The following PARN variants were observed in gnomAD, a reference collection of about 807,000 sequenced individuals.
PARN encodes the protein poly(A)-specific ribonuclease PARN.
PARN carries 71 observed loss-of-function variants against 102.8 expected under a neutral mutation model. The observed-to-expected ratio is 0.69, with a 90% CI of 0.57 to 0.84. The LOEUF is 0.84. PARN is among the 40% of genes least tolerant of loss of function. The pLI, the probability that PARN is intolerant of heterozygous loss-of-function variation, is 0.00. For missense variants in PARN, 782 were observed against 760.9 expected (o/e 1.03, Z -0.33); for synonymous variants, 261 against 252.9 (o/e 1.03, Z -0.30).
At chr16:14,521,336 T>C (rs1446598708) in intron 21 of PARN, among the ~76,000 whole-genome samples, 2 of 152,246 alleles carry the variant, frequency 1.3e-5, no homozygotes, top group East Asian at 1.9e-4. Context: ...AAAAGTTCTA[T>C]GGCCTGCAGG....
In PARN at chr16:14,630,166, G is replaced by A. The variant is rs372958720; in HGVS notation, c.-41C>T. ...GAACCTTGGCCCCACCCGGGCCCGC[G>A]CCCGCCTCAGCGGTTCTACTCGCCG... On this transcript the variant is annotated 5_prime_UTR_variant, in exon 1 of 24. Coordinates refer to ENST00000437198, the MANE Select transcript of PARN (RefSeq NM_002582.4). 190 of 1,538,604 alleles carry A rather than the reference G, an allele frequency of 1.2e-4. No individual in the cohort carries two copies. The highest frequency in any genetic ancestry group is 5.5e-4 in the South Asian group (46 of 83,490).
rs367910934 is a variant in PARN at position 14,475,653 on chromosome 16, G to A, written c.1670+6985C>T. Among the ~76,000 whole-genome samples, 9 of 152,304 alleles carry A rather than the reference G, an allele frequency of 5.9e-5. No homozygotes were observed. The East Asian group carries it at 1.3e-3, about 23-fold the overall frequency. On this transcript the variant is annotated intron_variant, in intron 22 of 23. Coordinates refer to ENST00000437198, the MANE Select transcript of PARN (RefSeq NM_002582.4). ...TGCTAATAGCCACGTGTAGAAGCTC[G>A]ACTGCTCTGACCAGCTCTGCCAAGG...
chr16:14,457,947 T>TGAGA lies in PARN; in HGVS notation c.1671-10870_1671-10867dup, dbSNP rs909541843. 2.0e-5 allele frequency among the ~76,000 whole-genome samples: 3 copies of TGAGA among 150,376 alleles called. No individual in the cohort carries two copies. In the South Asian group the frequency reaches 6.3e-4, roughly 32 times the overall value. On this transcript the variant is annotated intron_variant, in intron 22 of 23. Transcript: ENST00000437198. ...GTGTGTGTGGGTGTGTGTGTGTGTG[T>TGAGA]GAGAGAGAGAGACAGAGAAAACATG...
At chr16:14,494,207 C>T (rs958679451) in intron 21 of PARN, among the ~76,000 whole-genome samples, 5 of 152,162 alleles carry the variant, frequency 3.3e-5, no homozygotes, top group South Asian at 2.1e-4. Context: ...CATTAATGAA[C>T]GCCTGTATAT....
intron 15 of PARN, 82 bp downstream of exon 15, chr16:14,584,667 T>C: frequency 1.0e-6 from 1 of 1,003,020 alleles, no homozygotes; most frequent in East Asian, 2.4e-5. Context: ...CTCCAAACCT[T>C]TTGCCAGAAG....
chr16:14,493,401 A>C (rs1011168381), intron 21 of PARN, among the ~76,000 whole-genome samples: 4 of 152,104 alleles, frequency 2.6e-5, no homozygotes, highest in African/African-American at 9.7e-5. Flanking sequence ...TTTTCTGTAA[A>C]GACAAGGTTT....
chr16:14,464,137 C>G (rs1330001432), intron 22 of PARN, among the ~76,000 whole-genome samples: 1 of 152,082 alleles, frequency 6.6e-6, no homozygotes, highest in Admixed American at 6.5e-5. Context: ...GCCACTGCAC[C>G]CAGCCCAACA....
intron 22 of PARN, among the ~76,000 whole-genome samples, chr16:14,463,160 A>G (rs1486470995): frequency 1.3e-5 from 2 of 152,208 alleles, no homozygotes; most frequent in Non-Finnish European, 2.9e-5. Flanking sequence ...ACATCACAGC[A>G]CTGGGGAGAC....
chr16:14,577,597 G>A (rs1008588484), intron 18 of PARN, among the ~76,000 whole-genome samples: 2 of 152,120 alleles, frequency 1.3e-5, no homozygotes, highest in African/African-American at 4.8e-5. Flanking sequence ...CCTTCACAAA[G>A]TGGTGGGATT....
rs1963524988 is a variant in PARN, at chr16:14,484,025, A to T, written c.1481-1198T>A. ...TTCCCCTGGAGTCCCAAAGTCCATT[A>T]CATCATTCTTATGCCTTTGCTTCCT... On this transcript the variant is annotated intron_variant, in intron 21 of 23. Coordinates refer to ENST00000437198, the MANE Select transcript of PARN (RefSeq NM_002582.4). Among the ~76,000 whole-genome samples, 5 of 152,134 alleles carry T rather than the reference A, an allele frequency of 3.3e-5. No homozygotes were observed. In the South Asian group the frequency reaches 1.0e-3, roughly 32 times the overall value.
At chr16:14,540,734 T>C (rs1966808108) in intron 21 of PARN, among the ~76,000 whole-genome samples, 1 of 152,112 alleles carries the variant, frequency 6.6e-6, no homozygotes, top group South Asian at 2.1e-4. Flanking sequence ...GGCAGGTGGC[T>C]TGAGCCCAGG....
intron 22 of PARN, among the ~76,000 whole-genome samples, chr16:14,450,090 G>C (rs767196870): frequency 6.6e-6 from 1 of 152,130 alleles, no homozygotes; most frequent in Non-Finnish European, 1.5e-5. Flanking sequence ...GGTTGAATAC[G>C]CAACAGTACA....
At chr16:14,491,489 C>T (rs1256818839) in intron 21 of PARN, among the ~76,000 whole-genome samples, 1 of 152,138 alleles carries the variant, frequency 6.6e-6, no homozygotes, top group Non-Finnish European at 1.5e-5. Flanking sequence ...TCAGGCCAGG[C>T]ATAGTGGCTC....
At chr16:14,608,113 A>C in intron 9 of PARN, 168 bp downstream of exon 9, 1 of 632,168 alleles carries the variant, frequency 1.6e-6, no homozygotes, top group South Asian at 2.0e-5. Flanking sequence ...AAACAATAAC[A>C]AAAGAAAATT....
rs1328815772 is a variant in PARN, at chr16:14,508,900, T to C, written c.1481-26073A>G. Among the ~76,000 whole-genome samples the C allele has an allele frequency of 7.4e-5, 11 of 148,138 alleles. No individual in the cohort carries two copies. In the East Asian group the frequency reaches 2.1e-3, roughly 29 times the overall value. On this transcript the variant is annotated intron_variant, in intron 21 of 23. Transcript: ENST00000437198. ...CACAGCAAGACCCAGTCTCTTAATT[T>C]AAAATATATATATATATATAATTCA...
In PARN at chr16:14,599,966, TA is replaced by T. The variant is rs757097871; in HGVS notation, c.784-7del. The T allele has an allele frequency of 1.6e-5, 24 of 1,507,778 alleles. No homozygotes were observed. The highest frequency in any genetic ancestry group is 1.9e-5 in the Non-Finnish European group (21 of 1,094,052). 93.4% of individuals were successfully genotyped at this position (1,507,778 alleles called of 1,614,324 possible). A position where few individuals can be genotyped will look rare whatever the true frequency, so the allele number is the denominator to read the frequency against. On this transcript the variant is annotated splice_region_variant and splice_polypyrimidine_tract_variant and intron_variant, in intron 11 of 23. Transcript: ENST00000437198. ...ACAGCATCATTCAGCTCCTCCTAAT[TA>T]AAAAAATATATACATATGTATTATT...
At chr16:14,586,511 G>A (rs1969864612) in intron 13 of PARN, 150 bp from the exon 14 acceptor site, 2 of 558,988 alleles carry the variant, frequency 3.6e-6, no homozygotes, top group Non-Finnish European at 6.5e-6. Context: ...TAGTTAACAA[G>A]TACAAAAAAA....
chr16:14,579,982 CAA>C (rs534284469), intron 18 of PARN, among the ~76,000 whole-genome samples: 63 of 114,156 alleles, frequency 5.5e-4, no homozygotes, highest in Middle Eastern at 4.1e-3. Context: ...GACACCATCT[CAA>C]AAAAAAAAAA....
rs192887647 is a variant in PARN, at chr16:14,540,014, A to G, written c.1480+12007T>C. ...GGAGGATATGTACAGGTTATATGCA[A>G]AAATTATAGCATTTTATATCAAGGC... On this transcript the variant is annotated intron_variant, in intron 21 of 23. Transcript: ENST00000437198. 5.3e-3 allele frequency among the ~76,000 whole-genome samples: 802 copies of G among 152,332 alleles called. 5 individuals carry two copies. Among genetic ancestry groups the G allele is most frequent in the Admixed American group, 0.016 (245 of 15,300 alleles).
Sources: gnomAD v4.1 joint callset for allele counts (sites outside exome capture counted in the v4.1 genomes callset) on GRCh38, gnomAD v4.1.1 for gene constraint, MANE v1.5 for transcripts, NCBI Gene and HGNC (gene_info 2026-07-23, HGNC 2026-07-21) for gene names.